Variants in MYRFL observed in about 807,000 individuals in gnomAD.
MYRFL encodes the protein myelin regulatory factor like.
A neutral mutation model predicts 109.4 loss-of-function variants in MYRFL; 88 were observed. That is an observed-to-expected ratio of 0.80 (90% CI 0.68 to 0.96). The LOEUF (loss-of-function observed/expected upper bound fraction) is 0.96, where lower values mean the gene tolerates loss of function less well. Among genes scored for constraint, MYRFL ranks in the 40% least tolerant of loss-of-function variants. The probability of loss-of-function intolerance (pLI) is 0.00; values close to 1 mark genes in which losing one functional copy is unlikely to be tolerated. For synonymous variants in MYRFL, 324 were observed against 320.9 expected, an observed-to-expected ratio of 1.01 and a Z score of -0.10; for missense variants, 957 against 954.9, an observed-to-expected ratio of 1.00 and a Z score of -0.03.
chr12:69,899,983 C>T (rs1274801226), intron 10 of MYRFL, among the ~76,000 whole-genome samples: 1 of 152,196 alleles, frequency 6.6e-6, no homozygotes, highest in Non-Finnish European at 1.5e-5. Context: ...CTCAGCCCCA[C>T]TTTCCTTCTA....
intron 1 of MYRFL, among the ~76,000 whole-genome samples, chr12:69,837,704 G>A (rs547947119): frequency 1.3e-5 from 2 of 152,188 alleles, no homozygotes; most frequent in East Asian, 3.9e-4. Context: ...GGTCACATGG[G>A]GCTTCCTCCT....
intron 1 of MYRFL, among the ~76,000 whole-genome samples, chr12:69,837,773 G>C (rs1416209228): frequency 6.6e-6 from 1 of 152,096 alleles, no homozygotes; most frequent in African/African-American, 2.4e-5. Context: ...CAAGATTCTG[G>C]CTTTGGCGTC....
rs551715493 is a variant in MYRFL at position 69,945,467 on chromosome 12, T to C, written c.2225-6646T>C. Among the ~76,000 whole-genome samples the C allele has an allele frequency of 2.2e-4, 34 of 152,330 alleles. 2 individuals are homozygous for C. The South Asian group carries it at 7.0e-3, about 32-fold the overall frequency. ...GCCAACAGTATTTACAGTAACATGCTGTACAGGTTTGCAGCCAAGAAGCAA... is the reference window on the plus strand; with the variant it reads ...GCCAACAGTATTTACAGTAACATGCCGTACAGGTTTGCAGCCAAGAAGCAA... On this transcript the variant is annotated intron_variant, in intron 19 of 24. Transcript: ENST00000552032.
At chr12:69,836,158 G>A (rs554450069) in intron 1 of MYRFL, among the ~76,000 whole-genome samples, 6 of 152,322 alleles carry the variant, frequency 3.9e-5, no homozygotes, top group African/African-American at 1.4e-4. Context: ...GCCAAATTCC[G>A]TGTGCTTCTG....
At chr12:69,917,104 C>T (rs533312084) in intron 13 of MYRFL, among the ~76,000 whole-genome samples, 4 of 152,292 alleles carry the variant, frequency 2.6e-5, no homozygotes, top group Non-Finnish European at 5.9e-5. Flanking sequence ...AAAGACTCTT[C>T]AGATGATCTC....
At chr12:69,903,030 C>T (rs975394735) in intron 10 of MYRFL, among the ~76,000 whole-genome samples, 36 of 152,290 alleles carry the variant, frequency 2.4e-4, no homozygotes, top group African/African-American at 8.4e-4. Flanking sequence ...GACAATAGTA[C>T]GTGTCTCATA....
chr12:69,895,171 T>C (rs1472576125), intron 8 of MYRFL, among the ~76,000 whole-genome samples, 200 bp from the exon 9 acceptor site: 1 of 152,210 alleles, frequency 6.6e-6, no homozygotes, highest in East Asian at 1.9e-4. Context: ...CTTCAAGATA[T>C]TCCATGGCCT....
chr12:69,909,880 A>G, intron 11 of MYRFL, 89 bp from the exon 12 acceptor site: 1 of 899,476 alleles, frequency 1.1e-6, no homozygotes, highest in South Asian at 1.9e-5. Flanking sequence ...TCCAAAAGCA[A>G]TTCAGTGATG....
At chr12:69,893,672 C>A in intron 7 of MYRFL, 92 bp from the exon 8 acceptor site, 1 of 683,218 alleles carries the variant, frequency 1.5e-6, no homozygotes, top group Non-Finnish European at 2.1e-6. Context: ...TAGGATGATG[C>A]CTTGAAAAGC....
chr12:69,935,934 A>G (rs1955439459), intron 16 of MYRFL, 179 bp from the exon 17 acceptor site: 3 of 689,856 alleles, frequency 4.3e-6, no homozygotes, highest in Middle Eastern at 4.9e-4. Flanking sequence ...CAGGGCAGAA[A>G]AGCATAACTG....
chr12:69,863,233 C>T (rs923246709), intron 2 of MYRFL, among the ~76,000 whole-genome samples: 1 of 151,826 alleles, frequency 6.6e-6, no homozygotes, highest in African/African-American at 2.4e-5. Context: ...TGTCTCTGCC[C>T]GGCGTTGGTA....
At chr12:69,942,825 A>G (rs1410701243) in intron 19 of MYRFL, among the ~76,000 whole-genome samples, 1 of 151,992 alleles carries the variant, frequency 6.6e-6, no homozygotes, top group Non-Finnish European at 1.5e-5. Flanking sequence ...GCTGATAAGC[A>G]ACTTCAGCAA....
intron 7 of MYRFL, among the ~76,000 whole-genome samples, chr12:69,892,557 T>A (rs1886978874): frequency 6.6e-6 from 1 of 152,220 alleles, no homozygotes; most frequent in African/African-American, 2.4e-5. Context: ...ATTACAGGCA[T>A]GAGCCATTGT....
intron 19 of MYRFL, among the ~76,000 whole-genome samples, chr12:69,947,337 T>A (rs1565649450): frequency 6.6e-6 from 1 of 152,082 alleles, no homozygotes; most frequent in Non-Finnish European, 1.5e-5. Flanking sequence ...GAAATCAACA[T>A]TTTTATGACA....
intron 2 of MYRFL, among the ~76,000 whole-genome samples, chr12:69,872,355 A>T (rs759384709): frequency 3.3e-5 from 5 of 152,074 alleles, no homozygotes; most frequent in Non-Finnish European, 7.4e-5. Flanking sequence ...ACAGGGTCTC[A>T]CTTTGTCACC....
At chr12:69,909,865 A>T (rs990936026) in intron 11 of MYRFL, 104 bp from the exon 12 acceptor site, 1 of 816,568 alleles carries the variant, frequency 1.2e-6, no homozygotes, top group African/African-American at 1.8e-5. Flanking sequence ...ATCTCCAGCA[A>T]AATGTCCAAA....
At chr12:69,955,735 T>TGAGA (rs1956078358) in intron 22 of MYRFL, among the ~76,000 whole-genome samples, 1 of 151,636 alleles carries the variant, frequency 6.6e-6, no homozygotes, top group Non-Finnish European at 1.5e-5. Context: ...TCTCACTTGG[T>TGAGA]GAGAGAGAAT....
At chr12:69,957,484 G>T (rs891644471) in intron 22 of MYRFL, among the ~76,000 whole-genome samples, 3 of 152,162 alleles carry the variant, frequency 2.0e-5, no homozygotes, top group Admixed American at 6.5e-5. Context: ...CCAGCACTTT[G>T]GGTGGCCGAG....
intron 2 of MYRFL, among the ~76,000 whole-genome samples, chr12:69,877,964 TG>T (rs1189753632): frequency 6.6e-6 from 1 of 152,090 alleles, no homozygotes; most frequent in Non-Finnish European, 1.5e-5. Flanking sequence ...TTTTACTGGC[TG>T]GGTGCCATGG....
Sources: gnomAD v4.1 joint callset for allele counts (sites outside exome capture counted in the v4.1 genomes callset) on GRCh38, gnomAD v4.1.1 for gene constraint, MANE v1.5 for transcripts, NCBI Gene and HGNC (gene_info 2026-07-23, HGNC 2026-07-21) for gene names.